Variants in MGAT4A observed in about 807,000 individuals in gnomAD.
The protein encoded by MGAT4A is N-acetylglucosaminyltransferase IVa.
In MGAT4A, 33 loss-of-function variants were observed where a neutral mutation model predicts 74.1. That is an observed-to-expected ratio of 0.45 (90% CI 0.34 to 0.60). MGAT4A has a LOEUF of 0.60. Ranked by LOEUF, MGAT4A falls within the 20% of genes least tolerant of loss-of-function variation. MGAT4A has a pLI of 0.02. For synonymous variants in MGAT4A, 198 were observed against 210.4 expected, an observed-to-expected ratio of 0.94 and a Z score of 0.51; for missense variants, 479 against 628.3, an observed-to-expected ratio of 0.76 and a Z score of 2.54.
intron 14 of MGAT4A, among the ~76,000 whole-genome samples, chr2:98,631,124 T>C (rs1405248674): frequency 6.6e-6 from 1 of 152,178 alleles, no homozygotes; most frequent in Non-Finnish European, 1.5e-5. Flanking sequence ...CCCACTGAAA[T>C]AGAACTAGTA....
At chr2:98,676,576 T>G (rs1448259225) in intron 3 of MGAT4A, among the ~76,000 whole-genome samples, 3 of 152,158 alleles carry the variant, frequency 2.0e-5, no homozygotes, top group African/African-American at 7.2e-5. Flanking sequence ...GAAATATGAT[T>G]GCTTTATATA....
rs1171518857 is a variant in MGAT4A at position 98,660,412 on chromosome 2, G to GCA, written c.538-2150_538-2149dup. Among the ~76,000 whole-genome samples, 97 of 92,950 alleles carry GCA rather than the reference G, an allele frequency of 1.0e-3. 2 individuals are homozygous for GCA. The highest frequency in any genetic ancestry group is 0.011 in the Middle Eastern group (2 of 190). 61.0% of individuals were successfully genotyped at this position (92,950 alleles called of 152,430 possible). On this transcript the variant is annotated intron_variant, in intron 5 of 15. Coordinates refer to ENST00000393487, the MANE Select transcript of MGAT4A (RefSeq NM_012214.3). ...TATAACCACACACACACACACACAC[G>GCA]CACGCGCACACACACACACACACAC...
Position 98,731,099 on chromosome 2 carries a change from C to CGCCGCCGCCGCT in MGAT4A, c.-299_-288dup, listed in dbSNP as rs559389584. The CGCCGCCGCCGCT allele has an allele frequency of 2.0e-4, 27 of 138,260 alleles. No individual in the cohort carries two copies. The highest frequency in any genetic ancestry group is 8.0e-5 in the African/African-American group (3 of 37,356). 8.6% of individuals were successfully genotyped at this position (138,260 alleles called of 1,614,324 possible). On this transcript the variant is annotated 5_prime_UTR_variant, in exon 1 of 16. Transcript: ENST00000393487. The surrounding 1 kb of genome is among the most constrained non-coding windows in gnomAD (Gnocchi z 4.8). ...CGGCTGCCGGCGGAGCTGCTGTAGCCGCCGCCGCCGCTGCCGCCGCCGCTG... is the reference window on the plus strand; with the variant it reads ...CGGCTGCCGGCGGAGCTGCTGTAGCCGCCGCCGCCGCTGCCGCCGCCGCTGCCGCCGCCGCTG...
chr2:98,633,092 A>G (rs1450555232), intron 14 of MGAT4A, among the ~76,000 whole-genome samples: 1 of 152,152 alleles, frequency 6.6e-6, no homozygotes, highest in African/African-American at 2.4e-5. Context: ...TCTGCTACTG[A>G]CTGGACTGGG....
intron 2 of MGAT4A, among the ~76,000 whole-genome samples, chr2:98,715,367 C>T (rs1374267525): frequency 6.6e-6 from 1 of 150,536 alleles, no homozygotes; most frequent in African/African-American, 2.4e-5. Flanking sequence ...ACATCTCTTC[C>T]TTACAGTGGA....
In MGAT4A at chr2:98,625,095, AC is replaced by A; in HGVS notation, c.*470del. 1.1e-6 allele frequency: 1 copy of A among 948,844 alleles called. No individual in the cohort carries two copies. Among genetic ancestry groups the A allele is most frequent in the Non-Finnish European group, 1.3e-6 (1 of 796,548 alleles). The allele number at this position is 948,844 out of a possible 1,614,324, so 58.8% of individuals were successfully genotyped here. ...AAAAATCTACTGCACAAAAATATGT[AC>A]TTCTTAAGTGTTTCTAATAAATTAA... On this transcript the variant is annotated 3_prime_UTR_variant, in exon 16 of 16. Coordinates refer to ENST00000393487, the MANE Select transcript of MGAT4A (RefSeq NM_012214.3).
At position 98,708,961 on chromosome 2, in the gene MGAT4A, G is replaced by A. The variant is rs779397842; in HGVS notation, c.94+17278C>T. 8.5e-5 allele frequency among the ~76,000 whole-genome samples: 13 copies of A among 152,296 alleles called. No homozygotes were observed. The South Asian group carries it at 1.2e-3, about 15-fold the overall frequency. ...TGTGGAGGACTCATCCAGAGAACAC[G>A]GCTCTACTGCCCTGGAGGCAGTGGG... On this transcript the variant is annotated intron_variant, in intron 2 of 15. Coordinates refer to ENST00000393487, the MANE Select transcript of MGAT4A (RefSeq NM_012214.3).
At chr2:98,654,856 A>T (rs1701636056) in intron 8 of MGAT4A, among the ~76,000 whole-genome samples, 1 of 152,170 alleles carries the variant, frequency 6.6e-6, no homozygotes, top group Non-Finnish European at 1.5e-5. Flanking sequence ...TCTTAAAAAA[A>T]AGGGAACACA....
chr2:98,636,524 G>A lies in MGAT4A; in HGVS notation c.1394C>T (p.Pro465Leu). 6.2e-7 allele frequency: 1 copy of A among 1,612,830 alleles called. No homozygotes were observed. The change falls in exon 13 of 16, where the codon CCT becomes CTT. Residue 465 changes from proline (P) to leucine (L), a missense_variant. Pro to Leu is a moderately conservative substitution (Grantham distance 98). Coordinates refer to ENST00000393487, the MANE Select transcript of MGAT4A (RefSeq NM_012214.3). ...ILLNTTVEVL[P>L]FKSEGLEISK... ...AGGAAATAGCAGTCATACCTTAAAA[G>A]GCAAAACTTCCACAGTTGTGTTTAG...
At chr2:98,641,840 A>C (rs943910186) in intron 10 of MGAT4A, among the ~76,000 whole-genome samples, 22 of 150,976 alleles carry the variant, frequency 1.5e-4, no homozygotes, top group Admixed American at 1.4e-3. Context: ...TAAAAATATA[A>C]AAATTTGCCA....
intron 2 of MGAT4A, among the ~76,000 whole-genome samples, chr2:98,699,594 T>C (rs1246175212): frequency 6.6e-6 from 1 of 152,166 alleles, no homozygotes; most frequent in African/African-American, 2.4e-5. Context: ...AAAAAATGTA[T>C]TTAAAAATTG....
At chr2:98,634,226 T>A (rs1434027373) in intron 14 of MGAT4A, among the ~76,000 whole-genome samples, 1 of 152,084 alleles carries the variant, frequency 6.6e-6, no homozygotes, top group Non-Finnish European at 1.5e-5. Context: ...AACGGAGCTA[T>A]GGAACAACAC....
At position 98,620,110 on chromosome 2, in the gene MGAT4A, G is replaced by A. The variant is rs556886315; in HGVS notation, c.*5456C>T. 1 of 152,200 alleles carries A rather than the reference G, an allele frequency of 6.6e-6. No homozygotes were observed. Among genetic ancestry groups the A allele is most frequent in the East Asian group, 1.9e-4 (1 of 5,178 alleles). The allele number at this position is 152,200 out of a possible 1,614,324, so 9.4% of individuals were successfully genotyped here. On this transcript the variant is annotated 3_prime_UTR_variant, in exon 16 of 16. Transcript: ENST00000393487. Reference sequence around the variant, plus strand: ...CAAACCGGGTGAAGGAGTGTTTCAGGTAAGAAGAAGAGTTTATATATAGGT... The same window carrying A: ...CAAACCGGGTGAAGGAGTGTTTCAGATAAGAAGAAGAGTTTATATATAGGT...
chr2:98,634,858 C>G (rs1356581209), intron 14 of MGAT4A, among the ~76,000 whole-genome samples: 1 of 151,676 alleles, frequency 6.6e-6, no homozygotes, highest in Non-Finnish European at 1.5e-5. Flanking sequence ...CATCTCAACA[C>G]AGATGTGACG....
intron 14 of MGAT4A, among the ~76,000 whole-genome samples, chr2:98,631,637 C>G (rs1208610538): frequency 6.6e-6 from 1 of 152,176 alleles, no homozygotes; most frequent in African/African-American, 2.4e-5. Context: ...CCAGGGCAGT[C>G]GGAGGAGAGC....
At chr2:98,715,971 A>G (rs541085558) in intron 2 of MGAT4A, among the ~76,000 whole-genome samples, 73 of 152,342 alleles carry the variant, frequency 4.8e-4, no homozygotes, top group African/African-American at 1.7e-3. Flanking sequence ...CGAAGCAAAC[A>G]TCACCAGTAA....
At chr2:98,702,328 G>A (rs1702364951) in intron 2 of MGAT4A, among the ~76,000 whole-genome samples, 1 of 152,240 alleles carries the variant, frequency 6.6e-6, no homozygotes, top group African/African-American at 2.4e-5. Flanking sequence ...CAGGCAAGCA[G>A]CACGGAGGGC....
In MGAT4A at chr2:98,620,161, T is replaced by G. The variant is rs559438603; in HGVS notation, c.*5405A>C. ...GTTGATACAGATATGTATAACAAAA[T>G]CCTCAGTTTGGTTGGGTCTTTAAAA... On this transcript the variant is annotated 3_prime_UTR_variant, in exon 16 of 16. Transcript: ENST00000393487. 6.6e-6 allele frequency: 1 copy of G among 152,266 alleles called. No individual in the cohort carries two copies. Among genetic ancestry groups the G allele is most frequent in the Non-Finnish European group, 1.5e-5 (1 of 68,006 alleles). The allele number at this position is 152,266 out of a possible 1,614,324, so 9.4% of individuals were successfully genotyped here.
chr2:98,726,514 A>C lies in MGAT4A; in HGVS notation c.-182T>G. 2.0e-6 allele frequency: 1 copy of C among 495,828 alleles called. No individual in the cohort carries two copies. The highest frequency in any genetic ancestry group is 3.6e-6 in the Non-Finnish European group (1 of 278,872). 30.7% of individuals were successfully genotyped at this position (495,828 alleles called of 1,614,324 possible). On this transcript the variant is annotated 5_prime_UTR_variant, in exon 2 of 16. Coordinates refer to ENST00000393487, the MANE Select transcript of MGAT4A (RefSeq NM_012214.3). ...TAGCAGCAATGCTGTTCACAACTGT[A>C]CTCGGGATCGTCTTTGCGGTCTTCA...
Sources: gnomAD v4.1 joint callset for allele counts (sites outside exome capture counted in the v4.1 genomes callset) on GRCh38, gnomAD v4.1.1 for gene constraint, Gnocchi (gnomAD v3.1) non-coding constraint, MANE v1.5 for transcripts, NCBI Gene and HGNC (gene_info 2026-07-23, HGNC 2026-07-21) for gene names.